Variants in RASGEF1A observed in about 807,000 individuals in gnomAD.
RASGEF1A encodes RasGEF domain family member 1A, also known as ras-GEF domain-containing family member 1A.
Under a neutral mutation model 56.4 loss-of-function variants are expected in RASGEF1A, and 18 were observed. The observed-to-expected ratio is 0.32, with a 90% CI of 0.22 to 0.47. The LOEUF is 0.47. Ranked by LOEUF, RASGEF1A falls within the 20% of genes least tolerant of loss-of-function variation. The pLI is 1.00. For synonymous variants in RASGEF1A, 245 were observed against 242.6 expected, an observed-to-expected ratio of 1.01 and a Z score of -0.09; for missense variants, 422 against 627.1, an observed-to-expected ratio of 0.67 and a Z score of 3.49.
chr10:43,220,843 CT>C (rs1840198692), intron 1 of RASGEF1A, among the ~76,000 whole-genome samples: 2 of 151,642 alleles, frequency 1.3e-5, no homozygotes, highest in African/African-American at 4.9e-5. Context: ...AGTGAAGTTG[CT>C]GAGCCCTCAG....
At chr10:43,207,402 A>T (rs1840011696) in intron 1 of RASGEF1A, 3 of 843,344 alleles carry the variant, frequency 3.6e-6, no homozygotes, top group Non-Finnish European at 4.1e-6. Flanking sequence ...ACACACACAC[A>T]CACACACACA....
intron 1 of RASGEF1A, among the ~76,000 whole-genome samples, chr10:43,225,382 C>T (rs1179297060): frequency 1.8e-5 from 2 of 110,706 alleles, no homozygotes; most frequent in Non-Finnish European, 3.7e-5. Context: ...TGTGTCTCTG[C>T]ATGTGTCTGT....
chr10:43,209,326 G>C (rs540210550), intron 1 of RASGEF1A: 1 of 585,680 alleles, frequency 1.7e-6, no homozygotes, highest in South Asian at 7.7e-5. Context: ...CCTGCCCCAG[G>C]TCACAGCCAG....
At chr10:43,209,319 G>A in intron 1 of RASGEF1A, 1 of 640,528 alleles carries the variant, frequency 1.6e-6, no homozygotes, top group Non-Finnish European at 1.9e-6. Flanking sequence ...GTGAGTACCT[G>A]CCCCAGGTCA....
rs1266271513 is a variant in RASGEF1A at position 43,215,091 on chromosome 10, C to A, written c.-6-8969G>T. Among the ~76,000 whole-genome samples, 5 of 152,190 alleles carry A rather than the reference C, an allele frequency of 3.3e-5. No individual in the cohort carries two copies. The East Asian group carries it at 9.6e-4, about 29-fold the overall frequency. On this transcript the variant is annotated intron_variant, in intron 1 of 12. Transcript: ENST00000395810. Reference sequence around the variant, plus strand: ...ACATGTGGACAAGCACACATTCCCACGACCTGCAGATGATTCGGGGGACCG... The same window carrying A: ...ACATGTGGACAAGCACACATTCCCAAGACCTGCAGATGATTCGGGGGACCG...
intron 1 of RASGEF1A, among the ~76,000 whole-genome samples, chr10:43,220,799 G>T (rs562926397): frequency 7.9e-5 from 12 of 151,948 alleles, no homozygotes; most frequent in South Asian, 2.1e-4. Context: ...AAAAAAAAGG[G>T]GGGGGAGTAC....
At chr10:43,209,833 G>A (rs1840042185) in intron 1 of RASGEF1A, among the ~76,000 whole-genome samples, 1 of 152,034 alleles carries the variant, frequency 6.6e-6, no homozygotes, top group African/African-American at 2.4e-5. Flanking sequence ...GACCCTGCAT[G>A]GATGCTCTAA....
chr10:43,248,662 T>C (rs1381515043), intron 1 of RASGEF1A, among the ~76,000 whole-genome samples: 1 of 152,226 alleles, frequency 6.6e-6, no homozygotes, highest in Non-Finnish European at 1.5e-5. Flanking sequence ...TTTTTTTTCT[T>C]GAATGGTGTG....
At chr10:43,227,816 C>T (rs977139543) in intron 1 of RASGEF1A, among the ~76,000 whole-genome samples, 1 of 152,114 alleles carries the variant, frequency 6.6e-6, no homozygotes, top group African/African-American at 2.4e-5. Flanking sequence ...AGGGCAACAC[C>T]CTCCTTCCTG....
intron 1 of RASGEF1A, among the ~76,000 whole-genome samples, chr10:43,247,300 A>C (rs772457285): frequency 2.0e-5 from 3 of 152,152 alleles, no homozygotes; most frequent in Non-Finnish European, 1.5e-5. Context: ...AAACTCTCAT[A>C]CTTTGCTGGT....
intron 1 of RASGEF1A, among the ~76,000 whole-genome samples, chr10:43,238,241 A>T (rs899647275): frequency 6.6e-6 from 1 of 151,872 alleles, no homozygotes; most frequent in African/African-American, 2.4e-5. Context: ...ATGTGTGCCT[A>T]CAGGAGGGTT....
At chr10:43,220,526 G>A (rs558870241) in intron 1 of RASGEF1A, among the ~76,000 whole-genome samples, 3 of 152,274 alleles carry the variant, frequency 2.0e-5, no homozygotes, top group East Asian at 1.9e-4. Context: ...GCTCACTCCT[G>A]TAATCTCAAC....
chr10:43,201,318 G>A (rs1433762593), intron 4 of RASGEF1A, among the ~76,000 whole-genome samples: 2 of 152,162 alleles, frequency 1.3e-5, no homozygotes, highest in African/African-American at 2.4e-5. Flanking sequence ...TGGAGTACTC[G>A]GGGTGAACAG....
chr10:43,232,345 C>A (rs929470947), intron 1 of RASGEF1A, among the ~76,000 whole-genome samples: 3 of 152,306 alleles, frequency 2.0e-5, no homozygotes, highest in Non-Finnish European at 2.9e-5. Flanking sequence ...ATGTGAGACA[C>A]CTGCTCCAAC....
intron 1 of RASGEF1A, among the ~76,000 whole-genome samples, chr10:43,216,406 G>T (rs1298266056): frequency 6.6e-6 from 1 of 152,234 alleles, no homozygotes; most frequent in Non-Finnish European, 1.5e-5. Flanking sequence ...GGACCATCTT[G>T]TGGGGGTCCT....
chr10:43,219,830 G>T (rs1002396203), intron 1 of RASGEF1A, among the ~76,000 whole-genome samples: 1 of 152,338 alleles, frequency 6.6e-6, no homozygotes, highest in South Asian at 2.1e-4. Context: ...AACTAATTAC[G>T]CTGAGCAAAG....
At chr10:43,211,901 G>T (rs1334293722) in intron 1 of RASGEF1A, among the ~76,000 whole-genome samples, 1 of 152,210 alleles carries the variant, frequency 6.6e-6, no homozygotes, top group East Asian at 1.9e-4. Flanking sequence ...TCCCTGCAGG[G>T]TTGCAGTGAG....
chr10:43,210,360 G>C (rs1790345193), intron 1 of RASGEF1A, among the ~76,000 whole-genome samples: 1 of 152,206 alleles, frequency 6.6e-6, no homozygotes, highest in Non-Finnish European at 1.5e-5. Flanking sequence ...TGTGGTTCCA[G>C]CTACTTGGGG....
At chr10:43,223,847 T>C (rs1840239975) in intron 1 of RASGEF1A, among the ~76,000 whole-genome samples, 1 of 151,418 alleles carries the variant, frequency 6.6e-6, no homozygotes, top group Non-Finnish European at 1.5e-5. Flanking sequence ...AAATTTATTT[T>C]AAAAAAGAAA....
Sources: gnomAD v4.1 joint callset for allele counts (sites outside exome capture counted in the v4.1 genomes callset) on GRCh38, gnomAD v4.1.1 for gene constraint, MANE v1.5 for transcripts, NCBI Gene and HGNC (gene_info 2026-07-23, HGNC 2026-07-21) for gene names.